Variants in KIAA1671 observed in about 807,000 individuals in gnomAD.
KIAA1671 encodes KIAA1671.
A neutral mutation model predicts 131.2 loss-of-function variants in KIAA1671; 52 were observed. The ratio of observed to expected loss-of-function variants is 0.40; its 90% CI spans 0.32 to 0.50. The LOEUF (loss-of-function observed/expected upper bound fraction) is 0.50. Among genes scored for constraint, KIAA1671 ranks in the 20% least tolerant of loss-of-function variants. KIAA1671 has a pLI of 0.73. For synonymous variants in KIAA1671, 1,003 were observed against 961.6 expected, an observed-to-expected ratio of 1.04 and a Z score of -0.80; for missense variants, 2,360 against 2,364.2, an observed-to-expected ratio of 1.00 and a Z score of 0.04.
chr22:25,194,785 G>A lies in KIAA1671; in HGVS notation c.*2384G>A, dbSNP rs1347611080. On this transcript the variant is annotated 3_prime_UTR_variant, in exon 13 of 13. Transcript: ENST00000358431. ...CAGCACCACAGGGAAGACAATCACA[G>A]TGGGTCAAGAGCGACCCTCTTTCAC... The A allele has an allele frequency of 7.2e-6, 1 of 139,464 alleles. No homozygotes were observed. The highest frequency in any genetic ancestry group is 1.6e-5 in the Non-Finnish European group (1 of 61,250). 8.6% of individuals were successfully genotyped at this position (139,464 alleles called of 1,614,324 possible).
chr22:25,033,761 T>C (rs1926432440), intron 4 of KIAA1671, among the ~76,000 whole-genome samples: 1 of 151,704 alleles, frequency 6.6e-6, no homozygotes, highest in Admixed American at 6.6e-5. Flanking sequence ...TTTGTATTTT[T>C]AGTAGAGTTG....
At chr22:24,985,381 C>T (rs1159180502) in intron 1 of KIAA1671, among the ~76,000 whole-genome samples, 2 of 151,714 alleles carry the variant, frequency 1.3e-5, no homozygotes, top group Non-Finnish European at 2.9e-5. Flanking sequence ...GCTCTGTCAC[C>T]CAGGCTGGAG....
At chr22:24,979,170 A>ATTTTTTTTTTTTGTTTTTTTT (rs1923081250) in intron 1 of KIAA1671, among the ~76,000 whole-genome samples, 1 of 81,718 alleles carries the variant, frequency 1.2e-5, no homozygotes. Flanking sequence ...TAATTTTTGT[A>ATTTTTTTTTTTTGTTTTTTTT]TTTTTTTTTT....
chr22:25,170,699 G>A, intron 6 of KIAA1671, 121 bp from the exon 7 acceptor site: 1 of 890,832 alleles, frequency 1.1e-6, no homozygotes, highest in African/African-American at 1.6e-5. Flanking sequence ...ACTTAGGAAG[G>A]CAGCGGGTTG....
intron 6 of KIAA1671, among the ~76,000 whole-genome samples, chr22:25,072,423 C>G (rs1286777796): frequency 1.3e-5 from 2 of 152,180 alleles, no homozygotes; most frequent in African/African-American, 4.8e-5. Context: ...TTGTCCGCTG[C>G]TTTCTGTGGG....
intron 7 of KIAA1671, among the ~76,000 whole-genome samples, chr22:25,173,475 C>CA (rs2146018617): frequency 6.6e-6 from 1 of 152,298 alleles, no homozygotes; most frequent in African/African-American, 2.4e-5. Flanking sequence ...CCTGCTCTTC[C>CA]ATAGGTAACT....
intron 8 of KIAA1671, chr22:25,175,547 G>C (rs531162847): frequency 6.6e-6 from 1 of 152,154 alleles, no homozygotes; most frequent in African/African-American, 2.4e-5. Context: ...CACCTCCCTG[G>C]GTGTCATCAG....
At chr22:24,990,615 G>A (rs371543786) in intron 1 of KIAA1671, among the ~76,000 whole-genome samples, 1 of 152,354 alleles carries the variant, frequency 6.6e-6, no homozygotes, top group South Asian at 2.1e-4. Flanking sequence ...CCAACCCAGC[G>A]CTGACATGGA....
At chr22:25,179,538 G>A in intron 9 of KIAA1671, 1 of 1,596,776 alleles carries the variant, frequency 6.3e-7, no homozygotes, top group South Asian at 1.1e-5. Flanking sequence ...AGCTGCTTCA[G>A]CACCTGCGCC....
intron 7 of KIAA1671, among the ~76,000 whole-genome samples, chr22:25,171,447 C>T (rs1933845431): frequency 6.6e-6 from 1 of 152,034 alleles, no homozygotes; most frequent in Non-Finnish European, 1.5e-5. Flanking sequence ...CACAGTGGCT[C>T]ACACCTGTAA....
At chr22:24,970,189 C>T (rs913344602) in intron 1 of KIAA1671, among the ~76,000 whole-genome samples, 3 of 152,164 alleles carry the variant, frequency 2.0e-5, no homozygotes, top group Admixed American at 6.5e-5. Context: ...AGAACCCTTC[C>T]ACCTCCCCCG....
At chr22:25,116,453 G>A (rs893937204) in intron 6 of KIAA1671, among the ~76,000 whole-genome samples, 2 of 150,860 alleles carry the variant, frequency 1.3e-5, no homozygotes, top group Middle Eastern at 3.4e-3. Context: ...ATGGAGTCTT[G>A]CTCTGTCCCC....
intron 6 of KIAA1671, among the ~76,000 whole-genome samples, chr22:25,078,426 G>A (rs1929227504): frequency 6.6e-6 from 1 of 152,194 alleles, no homozygotes; most frequent in Admixed American, 6.5e-5. Flanking sequence ...ATACTCAGCA[G>A]GCTGAGGCAG....
intron 1 of KIAA1671, among the ~76,000 whole-genome samples, chr22:24,955,393 T>C (rs1921639225): frequency 6.6e-6 from 1 of 152,140 alleles, no homozygotes; most frequent in East Asian, 1.9e-4. Context: ...GCTGATGCCT[T>C]TGGCTATAAG....
At chr22:25,054,198 C>G (rs11705568) in intron 6 of KIAA1671, 1 of 149,230 alleles carries the variant, frequency 6.7e-6, no homozygotes, top group South Asian at 2.3e-4. Flanking sequence ...TTTTAGTGAG[C>G]TGAGTTTTCG....
At chr22:25,152,617 A>G (rs536274550) in intron 6 of KIAA1671, among the ~76,000 whole-genome samples, 12 of 152,106 alleles carry the variant, frequency 7.9e-5, no homozygotes, top group South Asian at 2.1e-4. Flanking sequence ...CCCTGTACCA[A>G]TGCACCTGGG....
At position 25,178,423 on chromosome 22, in the gene KIAA1671, T is replaced by C. The variant is rs112488374; in HGVS notation, c.5074+901T>C. Reference sequence around the variant, plus strand: ...CCTGAGGAGGACTTGTGGCTGCCACTTCCACCAGGGCAGAGGACACAGGAG... The same window carrying C: ...CCTGAGGAGGACTTGTGGCTGCCACCTCCACCAGGGCAGAGGACACAGGAG... On this transcript the variant is annotated intron_variant, in intron 9 of 12. Coordinates refer to ENST00000358431, the MANE Select transcript of KIAA1671 (RefSeq NM_001145206.2). Among the ~76,000 whole-genome samples, 678 of 152,322 alleles carry C rather than the reference T, an allele frequency of 4.5e-3. 1 individual carries two copies. Among genetic ancestry groups the C allele is most frequent in the African/African-American group, 0.015 (642 of 41,586 alleles).
At chr22:25,024,816 A>G (rs1439094241) in intron 1 of KIAA1671, among the ~76,000 whole-genome samples, 2 of 151,978 alleles carry the variant, frequency 1.3e-5, no homozygotes, top group African/African-American at 4.8e-5. Context: ...CTTACCATTG[A>G]ATGGGAGAGG....
Position 25,090,732 on chromosome 22 carries a change from TATC to T in KIAA1671, c.4530+41374_4530+41376del, listed in dbSNP as rs142450246. On this transcript the variant is annotated intron_variant, in intron 6 of 12. Transcript: ENST00000358431. ...TAGCACCTTCATCAAGCAATATTGT[TATC>T]ATCATTTTATCACAGGCTCAGACAT... 4.7e-3 allele frequency among the ~76,000 whole-genome samples: 721 copies of T among 152,340 alleles called. 7 individuals are homozygous for T. The highest frequency in any genetic ancestry group is 0.017 in the African/African-American group (696 of 41,578).
Sources: gnomAD v4.1 joint callset for allele counts (sites outside exome capture counted in the v4.1 genomes callset) on GRCh38, gnomAD v4.1.1 for gene constraint, MANE v1.5 for transcripts, NCBI Gene and HGNC (gene_info 2026-07-23, HGNC 2026-07-21) for gene names.